Variants in REEP1 observed in about 807,000 individuals in gnomAD.
REEP1 encodes the protein receptor accessory protein 1, also known as receptor expression-enhancing protein 1.
A neutral mutation model predicts 40.3 loss-of-function variants in REEP1; 22 were observed. That is an observed-to-expected ratio of 0.55 (90% CI 0.39 to 0.78). The LOEUF (loss-of-function observed/expected upper bound fraction) is 0.78. Ranked by LOEUF, REEP1 falls within the 30% of genes least tolerant of loss-of-function variation. The pLI is 0.00. For synonymous variants in REEP1, 116 were observed against 139.2 expected (o/e 0.83, Z 1.17); for missense variants, 280 against 361.1 (o/e 0.78, Z 1.82).
chr2:86,318,404 T>TC, intron 1 of REEP1, among the ~76,000 whole-genome samples: 1 of 140,814 alleles, frequency 7.1e-6, no homozygotes, highest in South Asian at 2.3e-4. Context: ...TCTTTTCTTT[T>TC]TTTTTTTTTT....
chr2:86,272,744 T>C (rs1291356201), intron 2 of REEP1, among the ~76,000 whole-genome samples: 2 of 152,180 alleles, frequency 1.3e-5, no homozygotes, highest in Non-Finnish European at 2.9e-5. Flanking sequence ...AACACCACCA[T>C]CTCCTGTTTA....
At chr2:86,221,271 A>G (rs912881564) in intron 7 of REEP1, among the ~76,000 whole-genome samples, 1 of 152,230 alleles carries the variant, frequency 6.6e-6, no homozygotes, top group Non-Finnish European at 1.5e-5. Flanking sequence ...TGTGCTCCCC[A>G]ACAGCCAGCA....
intron 5 of REEP1, chr2:86,251,673 G>A (rs1206759532): frequency 2.1e-6 from 1 of 479,642 alleles, no homozygotes; most frequent in Non-Finnish European, 3.8e-6. Flanking sequence ...CTTGTTTCCA[G>A]TGGGGTTGGA....
intron 5 of REEP1, among the ~76,000 whole-genome samples, chr2:86,236,604 A>G (rs1675336578): frequency 6.6e-6 from 1 of 152,106 alleles, no homozygotes; most frequent in South Asian, 2.1e-4. Context: ...GGAGCCCAGG[A>G]GTTCAAGACC....
In REEP1 at chr2:86,216,540, C is replaced by G. The variant is rs186460296; in HGVS notation, c.*499G>C. ...TTGCAGTTTTCTTACATATCAGAACCTCTGGCAGCCCTTGCAAGTCCATTA... is the reference window on the plus strand; with the variant it reads ...TTGCAGTTTTCTTACATATCAGAACGTCTGGCAGCCCTTGCAAGTCCATTA... On this transcript the variant is annotated 3_prime_UTR_variant, in exon 9 of 9. Transcript: ENST00000538924. 6.5e-6 allele frequency: 1 copy of G among 153,726 alleles called. No homozygotes were observed. The highest frequency in any genetic ancestry group is 2.4e-5 in the African/African-American group (1 of 41,426). 9.5% of individuals were successfully genotyped at this position (153,726 alleles called of 1,614,324 possible). A position where few individuals can be genotyped will look rare whatever the true frequency, so the allele number is the denominator to read the frequency against.
intron 2 of REEP1, among the ~76,000 whole-genome samples, chr2:86,271,854 T>C (rs6756213): frequency 0.87 from 132,708 of 152,200 alleles, 58,293 homozygotes; most frequent in East Asian, 0.96. Context: ...TCTTTATAGG[T>C]TTTTTCTTTT....
intron 5 of REEP1, among the ~76,000 whole-genome samples, chr2:86,245,939 T>A (rs1219784343): frequency 6.6e-6 from 1 of 152,062 alleles, no homozygotes; most frequent in Non-Finnish European, 1.5e-5. Flanking sequence ...TAATTTTTTG[T>A]ATTTTTAGTA....
chr2:86,251,952 A>G lies in REEP1; in HGVS notation c.417+5T>C. The G allele has an allele frequency of 1.9e-6, 3 of 1,605,332 alleles. No homozygotes were observed. The highest frequency in any genetic ancestry group is 2.6e-6 in the Non-Finnish European group (3 of 1,172,464). ...CATGTAGTTGTGGTACTTCCAGCACAGTACCTTGGAAGCAGCCATCACAGC... is the reference window on the plus strand; with the variant it reads ...CATGTAGTTGTGGTACTTCCAGCACGGTACCTTGGAAGCAGCCATCACAGC... On this transcript the variant is annotated splice_donor_5th_base_variant and intron_variant, in intron 5 of 8. Transcript: ENST00000538924.
chr2:86,238,255 A>G (rs1403946885), intron 5 of REEP1, among the ~76,000 whole-genome samples: 1 of 152,220 alleles, frequency 6.6e-6, no homozygotes, highest in African/African-American at 2.4e-5. Context: ...AATTGGCAAT[A>G]TTATCTTTCT....
chr2:86,248,448 C>CTTAT (rs1482937548), intron 5 of REEP1, among the ~76,000 whole-genome samples: 1 of 151,538 alleles, frequency 6.6e-6, no homozygotes, highest in African/African-American at 2.4e-5. Flanking sequence ...TTTTATTTTA[C>CTTAT]TTATTTATTT....
At chr2:86,274,134 G>A (rs1677611944) in intron 2 of REEP1, among the ~76,000 whole-genome samples, 1 of 152,194 alleles carries the variant, frequency 6.6e-6, no homozygotes, top group African/African-American at 2.4e-5. Context: ...CCCTATGAGT[G>A]CCTACTGAGT....
chr2:86,222,261 C>T (rs73946352), intron 7 of REEP1, among the ~76,000 whole-genome samples: 12,125 of 152,196 alleles, frequency 0.08, 1,385 homozygotes, highest in African/African-American at 0.25. Flanking sequence ...AAATGACCCT[C>T]CAGCCCAGTA....
Position 86,232,713 on chromosome 2 carries a change from G to A in REEP1, c.507C>T (p.Gly169=), listed in dbSNP as rs763154170. The part of the protein sequence containing the change: ...IRGDGAPAPS[G]PPPPGSGRAS... The stretch of plus-strand genomic sequence containing the variant: ...CCCGCCCAGACCCCGGTGGTGGGGG[G>A]CCCGAGGGAGCAGGGGCGCCGTCTC... Residue 169 remains glycine (G), a synonymous_variant, in exon 6 of 9, where the codon GGC becomes GGT. Coordinates refer to ENST00000538924, the MANE Select transcript of REEP1 (RefSeq NM_001371279.1). 3.7e-6 allele frequency: 6 copies of A among 1,610,508 alleles called. No homozygotes were observed. The highest frequency in any genetic ancestry group is 5.1e-6 in the Non-Finnish European group (6 of 1,179,974).
chr2:86,334,502 A>G (rs143961307), intron 1 of REEP1, among the ~76,000 whole-genome samples: 1 of 152,320 alleles, frequency 6.6e-6, no homozygotes, highest in Admixed American at 6.5e-5. Flanking sequence ...GGACTGGACT[A>G]AAAATCCAGA....
chr2:86,224,750 C>T (rs1367130581), intron 7 of REEP1, among the ~76,000 whole-genome samples: 1 of 152,246 alleles, frequency 6.6e-6, no homozygotes, highest in Non-Finnish European at 1.5e-5. Context: ...TGGACACACT[C>T]TTATGCACAT....
intron 1 of REEP1, among the ~76,000 whole-genome samples, chr2:86,324,847 G>C (rs1225526174): frequency 1.3e-5 from 2 of 152,188 alleles, no homozygotes; most frequent in Non-Finnish European, 2.9e-5. Flanking sequence ...CTTTCTGAGA[G>C]AGTGCAAAAG....
At chr2:86,241,521 G>C (rs1675665793) in intron 5 of REEP1, among the ~76,000 whole-genome samples, 1 of 152,172 alleles carries the variant, frequency 6.6e-6, no homozygotes, top group Non-Finnish European at 1.5e-5. Flanking sequence ...TCCTCAGTGA[G>C]GGACAGTCCA....
At chr2:86,272,454 T>C (rs1160706810) in intron 2 of REEP1, among the ~76,000 whole-genome samples, 1 of 152,210 alleles carries the variant, frequency 6.6e-6, no homozygotes, top group Non-Finnish European at 1.5e-5. Flanking sequence ...TGGCTAGTAG[T>C]GAAACAATCA....
At chr2:86,243,356 T>C (rs1441144288) in intron 5 of REEP1, among the ~76,000 whole-genome samples, 4 of 152,216 alleles carry the variant, frequency 2.6e-5, no homozygotes, top group Non-Finnish European at 5.9e-5. Flanking sequence ...CCAGGCCCTG[T>C]GAGGTCAGGC....
Sources: gnomAD v4.1 joint callset for allele counts (sites outside exome capture counted in the v4.1 genomes callset) on GRCh38, gnomAD v4.1.1 for gene constraint, MANE v1.5 for transcripts, NCBI Gene and HGNC (gene_info 2026-07-23, HGNC 2026-07-21) for gene names.